C9orf40: variants seen among roughly 807,000 people sequenced by gnomAD.
The protein encoded by C9orf40 is chromosome 9 open reading frame 40, also known as uncharacterized protein C9orf40.
Under a neutral mutation model 7.9 loss-of-function variants are expected in C9orf40, and 2 were observed. The ratio of observed to expected loss-of-function variants is 0.25; its 90% CI spans 0.10 to 0.80. The LOEUF (loss-of-function observed/expected upper bound fraction) is 0.80. Ranked by LOEUF, C9orf40 falls within the 30% of genes least tolerant of loss-of-function variation. C9orf40 has a pLI of 0.68. For synonymous variants in C9orf40, 113 were observed against 117.6 expected (o/e 0.96, Z 0.25); for missense variants, 256 against 268.5 (o/e 0.95, Z 0.33).
chr9:74,952,799 G>T lies in C9orf40; in HGVS notation c.-188C>A, dbSNP rs926916014. On this transcript the variant is annotated 5_prime_UTR_variant, in exon 1 of 2. Transcript: ENST00000376854. This position sits in a 1 kb window ranked among gnomAD's most constrained non-coding sequence, Gnocchi z 5.4. ...GGCCTAGGGCTGGGGCTCCGGCTCG[G>T]AGGCAGCTCCCGCGCTCAGCCCTCG... The T allele has an allele frequency of 7.6e-5, 40 of 525,334 alleles. No homozygotes were observed. The highest frequency in any genetic ancestry group is 7.5e-4 in the African/African-American group (37 of 49,386). 32.5% of individuals were successfully genotyped at this position (525,334 alleles called of 1,614,324 possible).
rs964011075 is a variant in C9orf40, at chr9:74,952,304, G to C, written c.308C>G (p.Pro103Arg). ...CTCCTCCCCCGGCCCCGGCAGTACG[G>C]GCGGCGGCGGCAGCGGCGGATCGCC... ...ETGDPPLPPPPVLPGPGEELP... is the reference protein window; with the variant it reads ...ETGDPPLPPPRVLPGPGEELP... The change falls in exon 1 of 2, where the codon CCC becomes CGC. Residue 103 changes from proline to arginine, a missense_variant. By Grantham distance (103) the Pro-to-Arg change is moderately radical. Transcript: ENST00000376854. The surrounding 1 kb of genome is among the most constrained non-coding windows in gnomAD (Gnocchi z 5.4). 1 of 1,367,012 alleles carries C rather than the reference G, an allele frequency of 7.3e-7. No homozygotes were observed. Among genetic ancestry groups the C allele is most frequent in the Non-Finnish European group, 9.4e-7 (1 of 1,061,860 alleles). The allele number at this position is 1,367,012 out of a possible 1,614,324, so 84.7% of individuals were successfully genotyped here. A position where few individuals can be genotyped will look rare whatever the true frequency, so the allele number is the denominator to read the frequency against.
intron 1 of C9orf40, among the ~76,000 whole-genome samples, chr9:74,948,432 AT>A: frequency 6.6e-6 from 1 of 152,328 alleles, no homozygotes; most frequent in Admixed American, 6.5e-5. Flanking sequence ...TATTTGTTAA[AT>A]TTAAAGGAAT....
chr9:74,947,487 A>C lies in C9orf40; in HGVS notation c.*561T>G, dbSNP rs1017826885. ...ACATCAAATATTGGAAGCTTTGCAA[A>C]CACGCTACCCAAATTGAAATTATCA... is the stretch of plus-strand genomic sequence containing the variant. On this transcript the variant is annotated 3_prime_UTR_variant, in exon 2 of 2. Coordinates refer to ENST00000376854, the MANE Select transcript of C9orf40 (RefSeq NM_017998.3). The C allele has an allele frequency of 5.2e-5, 8 of 152,646 alleles. No homozygotes were observed. Among genetic ancestry groups the C allele is most frequent in the African/African-American group, 1.7e-4 (7 of 41,454 alleles). The allele number at this position is 152,646 out of a possible 1,614,324, so 9.5% of individuals were successfully genotyped here.
At chr9:74,949,443 A>G (rs1832275182) in intron 1 of C9orf40, among the ~76,000 whole-genome samples, 1 of 152,228 alleles carries the variant, frequency 6.6e-6, no homozygotes. Flanking sequence ...ACTAACATGA[A>G]AAAAATACAT....
In C9orf40 at chr9:74,952,559, C is replaced by T. The variant is rs905550638; in HGVS notation, c.53G>A (p.Arg18Gln). 2.5e-6 allele frequency: 4 copies of T among 1,587,712 alleles called. No individual in the cohort carries two copies. In the African/African-American group the frequency reaches 4.0e-5, roughly 16 times the overall value. ...CTCAGCGAAGTCGCAAAGCAGGAGC[C>T]GCTTCCAAGGCACGTGGAACGTCAC... The part of the protein sequence containing the change: ...EPVTFHVPWK[R>Q]LLLCDFAEQP... Residue 18 changes from arginine to glutamine, a missense_variant, in exon 1 of 2, where the codon CGG becomes CAG. Arg to Gln is a conservative substitution (Grantham distance 43, BLOSUM62 1). Transcript: ENST00000376854. The surrounding 1 kb of genome is among the most constrained non-coding windows in gnomAD (Gnocchi z 5.4).
At chr9:74,950,878 A>C (rs1287222203) in intron 1 of C9orf40, among the ~76,000 whole-genome samples, 1 of 152,204 alleles carries the variant, frequency 6.6e-6, no homozygotes, top group African/African-American at 2.4e-5. Context: ...GTCTAGACCA[A>C]AGCTGTCCAA....
At position 74,952,352 on chromosome 9, in the gene C9orf40, C is replaced by A. The variant is rs1832312586; in HGVS notation, c.260G>T (p.Arg87Leu). ...GCCTGTCTCCAGACCGTGGTCCTCA[C>A]GCTCCTGGCCGCTCGGGGCGCTGTT... ...GDNSAPSGQE[R>L]EDHGLETGDP... Residue 87 changes from arginine (R) to leucine (L), a missense_variant, in exon 1 of 2, where the codon CGT (arginine) becomes CTT (leucine). Physicochemically the swap from Arg to Leu is moderately radical, Grantham distance 102 (BLOSUM62 -2). Transcript: ENST00000376854. The surrounding 1 kb of genome is among the most constrained non-coding windows in gnomAD (Gnocchi z 5.4). The A allele has an allele frequency of 6.5e-7, 1 of 1,531,426 alleles. No homozygotes were observed. The allele number at this position is 1,531,426 out of a possible 1,614,324, so 94.9% of individuals were successfully genotyped here. A position where few individuals can be genotyped will look rare whatever the true frequency, so the allele number is the denominator to read the frequency against.
rs1832314408 is a variant in C9orf40 at position 74,952,461 on chromosome 9, C to T, written c.151G>A (p.Glu51Lys). ...AHAGQLLGVP[E>K]QHRKRKIDAG... Reference sequence around the variant, plus strand: ...TCGATTTTGCGCTTTCGGTGCTGCTCTGGGACGCCGAGGAGCTGCCCAGCA... The same window carrying T: ...TCGATTTTGCGCTTTCGGTGCTGCTTTGGGACGCCGAGGAGCTGCCCAGCA... The change falls in exon 1 of 2, where the codon GAG becomes AAG. Residue 51 changes from glutamate to lysine, a missense_variant. Glu to Lys is a moderately conservative substitution (Grantham distance 56, BLOSUM62 1). Transcript: ENST00000376854. The surrounding 1 kb of genome is among the most constrained non-coding windows in gnomAD (Gnocchi z 5.4). 6.2e-7 allele frequency: 1 copy of T among 1,600,370 alleles called. No homozygotes were observed. Among genetic ancestry groups the T allele is most frequent in the Admixed American group, 1.7e-5 (1 of 59,726 alleles).
At position 74,952,235 on chromosome 9, in the gene C9orf40, G is replaced by A. The variant is rs1371823025; in HGVS notation, c.377C>T (p.Ala126Val). The A allele has an allele frequency of 6.3e-6, 6 of 948,904 alleles. No homozygotes were observed. The highest frequency in any genetic ancestry group is 1.9e-4 in the Admixed American group (2 of 10,636). The allele number at this position is 948,904 out of a possible 1,614,324, so 58.8% of individuals were successfully genotyped here. ...TCCCCGCGGGGGTCCTGCGCGCCCC[G>A]CCCCGTCGTCGCCACCGCCCCCCGG... ...RLPGGGGDDG[A>V]GRAGPPRGDW... is the part of the protein sequence containing the mutation. Residue 126 changes from alanine (A) to valine (V), a missense_variant, in exon 1 of 2, where the codon GCG becomes GTG. Transcript: ENST00000376854. The surrounding 1 kb of genome is among the most constrained non-coding windows in gnomAD (Gnocchi z 5.4).
In C9orf40 at chr9:74,952,651, A is replaced by G; in HGVS notation, c.-40T>C. 6.7e-7 allele frequency: 1 copy of G among 1,501,990 alleles called. No individual in the cohort carries two copies. The highest frequency in any genetic ancestry group is 1.2e-5 in the South Asian group (1 of 80,770). The allele number at this position is 1,501,990 out of a possible 1,614,324, so 93.0% of individuals were successfully genotyped here. A position where few individuals can be genotyped will look rare whatever the true frequency, so the allele number is the denominator to read the frequency against. On this transcript the variant is annotated 5_prime_UTR_variant, in exon 1 of 2. Transcript: ENST00000376854. This position sits in a 1 kb window ranked among gnomAD's most constrained non-coding sequence, Gnocchi z 5.4. ...GGGCGGAGCCCGCCAGGCGCGGGAG[A>G]CCGAGTGCCGATAGCTGCGGGGGGC...
Position 74,952,163 on chromosome 9 carries a change from G to GCCCCCCCCCC in C9orf40, c.426+22_426+23insGGGGGGGGGG. The GCCCCCCCCCC allele has an allele frequency of 1.1e-4, 38 of 351,716 alleles. No individual in the cohort carries two copies. Among genetic ancestry groups the GCCCCCCCCCC allele is most frequent in the Middle Eastern group, 8.8e-4 (1 of 1,140 alleles). 21.8% of individuals were successfully genotyped at this position (351,716 alleles called of 1,614,324 possible). A position where few individuals can be genotyped will look rare whatever the true frequency, so the allele number is the denominator to read the frequency against. On this transcript the variant is annotated intron_variant, in intron 1 of 1. Transcript: ENST00000376854. This position sits in a 1 kb window ranked among gnomAD's most constrained non-coding sequence, Gnocchi z 5.4. ...AAAAGGCAAGCCCCTTCGCCCCTCAGCCCACCCGCCCCCAGCCCCTACCTG... is the reference window on the plus strand; with the variant it reads ...AAAAGGCAAGCCCCTTCGCCCCTCAGCCCCCCCCCCCCCACCCGCCCCCAGCCCCTACCTG...
Position 74,952,468 on chromosome 9 carries a change from G to A in C9orf40, c.144C>T (p.Gly48=). ...PGVAHAGQLL[G]VPEQHRKRKI... ...TGCGCTTTCGGTGCTGCTCTGGGAC[G>A]CCGAGGAGCTGCCCAGCATGCGCGA... Residue 48 remains glycine (G), a synonymous_variant, in exon 1 of 2, where the codon GGC becomes GGT. Transcript: ENST00000376854. This position sits in a 1 kb window ranked among gnomAD's most constrained non-coding sequence, Gnocchi z 5.4. 1 of 1,599,400 alleles carries A rather than the reference G, an allele frequency of 6.3e-7. No homozygotes were observed.
At chr9:74,948,717 G>A (rs1037975659) in intron 1 of C9orf40, among the ~76,000 whole-genome samples, 1 of 151,920 alleles carries the variant, frequency 6.6e-6, no homozygotes, top group Non-Finnish European at 1.5e-5. Context: ...ATGTTAAACT[G>A]ATCATTTTAT....
chr9:74,950,171 T>C (rs1328075156), intron 1 of C9orf40, among the ~76,000 whole-genome samples: 1 of 152,202 alleles, frequency 6.6e-6, no homozygotes, highest in Non-Finnish European at 1.5e-5. Flanking sequence ...AAAGAACCCC[T>C]GGAGCCAACC....
Position 74,952,293 on chromosome 9 carries a change from CCGGCAGTACGGGCGG to C in C9orf40, c.304_318del (p.Pro102_Pro106del). The C allele has an allele frequency of 7.5e-7, 1 of 1,327,792 alleles. No individual in the cohort carries two copies. Among genetic ancestry groups the C allele is most frequent in the Non-Finnish European group, 9.6e-7 (1 of 1,042,978 alleles). The allele number at this position is 1,327,792 out of a possible 1,614,324, so 82.3% of individuals were successfully genotyped here. A position where few individuals can be genotyped will look rare whatever the true frequency, so the allele number is the denominator to read the frequency against. On this transcript the variant is annotated inframe_deletion, in exon 1 of 2. Coordinates refer to ENST00000376854, the MANE Select transcript of C9orf40 (RefSeq NM_017998.3). This position sits in a 1 kb window ranked among gnomAD's most constrained non-coding sequence, Gnocchi z 5.4. The stretch of plus-strand genomic sequence containing the variant: ...GCGCCCGGGAGCTCCTCCCCCGGCC[CCGGCAGTACGGGCGG>C]CGGCGGCAGCGGCGGATCGCCTGTC...
Position 74,952,624 on chromosome 9 carries a change from T to G in C9orf40, c.-13A>C. 1 of 1,540,614 alleles carries G rather than the reference T, an allele frequency of 6.5e-7. No individual in the cohort carries two copies. Among genetic ancestry groups the G allele is most frequent in the Non-Finnish European group, 8.7e-7 (1 of 1,153,766 alleles). ...GCCGCTTGGCCATGGGCCCAGAGGC[T>G]CGGGCGGAGCCCGCCAGGCGCGGGA... On this transcript the variant is annotated 5_prime_UTR_variant, in exon 1 of 2. Transcript: ENST00000376854. This position sits in a 1 kb window ranked among gnomAD's most constrained non-coding sequence, Gnocchi z 5.4.
rs1434784680 is a variant in C9orf40, at chr9:74,952,284, C to T, written c.328G>A (p.Glu110Lys). 1.0e-5 allele frequency: 13 copies of T among 1,303,646 alleles called. No homozygotes were observed. In the South Asian group the frequency reaches 3.2e-4, roughly 32 times the overall value. 80.8% of individuals were successfully genotyped at this position (1,303,646 alleles called of 1,614,324 possible). Residue 110 changes from glutamate (E) to lysine (K), a missense_variant, in exon 1 of 2, where the codon GAG (glutamate) becomes AAG (lysine). Coordinates refer to ENST00000376854, the MANE Select transcript of C9orf40 (RefSeq NM_017998.3). The surrounding 1 kb of genome is among the most constrained non-coding windows in gnomAD (Gnocchi z 5.4). ...GGGAGCCGGGCGCCCGGGAGCTCCTCCCCCGGCCCCGGCAGTACGGGCGGC... is the reference window on the plus strand; with the variant it reads ...GGGAGCCGGGCGCCCGGGAGCTCCTTCCCCGGCCCCGGCAGTACGGGCGGC... ...PPPPVLPGPG[E>K]ELPGARLPGG...
chr9:74,952,163 G>GGCCCCCCCCCCCCCCCCCCC lies in C9orf40; in HGVS notation c.426+22_426+23insGGGGGGGGGGGGGGGGGGGC. On this transcript the variant is annotated intron_variant, in intron 1 of 1. Transcript: ENST00000376854. This position sits in a 1 kb window ranked among gnomAD's most constrained non-coding sequence, Gnocchi z 5.4. ...AAAAGGCAAGCCCCTTCGCCCCTCA[G>GGCCCCCCCCCCCCCCCCCCC]CCCACCCGCCCCCAGCCCCTACCTG... 1 of 351,744 alleles carries GGCCCCCCCCCCCCCCCCCCC rather than the reference G, an allele frequency of 2.8e-6. No individual in the cohort carries two copies. Among genetic ancestry groups the GGCCCCCCCCCCCCCCCCCCC allele is most frequent in the East Asian group, 4.9e-5 (1 of 20,286 alleles). The allele number at this position is 351,744 out of a possible 1,614,324, so 21.8% of individuals were successfully genotyped here.
At position 74,946,735 on chromosome 9, in the gene C9orf40, G is replaced by A. The variant is rs1042905628; in HGVS notation, c.*1313C>T. ...CACAATGCAATACAGTTTGTCTTCT[G>A]TTCTAAAGCATTCTTATTAATGTCA... On this transcript the variant is annotated 3_prime_UTR_variant, in exon 2 of 2. Coordinates refer to ENST00000376854, the MANE Select transcript of C9orf40 (RefSeq NM_017998.3). The A allele has an allele frequency of 1.3e-5, 2 of 152,108 alleles. No individual in the cohort carries two copies. Among genetic ancestry groups the A allele is most frequent in the African/African-American group, 4.8e-5 (2 of 41,422 alleles). 9.4% of individuals were successfully genotyped at this position (152,108 alleles called of 1,614,324 possible). A position where few individuals can be genotyped will look rare whatever the true frequency, so the allele number is the denominator to read the frequency against.
Sources: gnomAD v4.1 joint callset for allele counts (sites outside exome capture counted in the v4.1 genomes callset) on GRCh38, gnomAD v4.1.1 for gene constraint, Gnocchi (gnomAD v3.1) non-coding constraint, MANE v1.5 for transcripts, NCBI Gene and HGNC (gene_info 2026-07-23, HGNC 2026-07-21) for gene names.